MAP4K4: variants seen among roughly 807,000 people sequenced by gnomAD.
MAP4K4 encodes HPK/GCK-like kinase HGK.
MAP4K4 carries 38 observed loss-of-function variants against 189.6 expected under a neutral mutation model. The ratio of observed to expected loss-of-function variants is 0.20; its 90% confidence interval spans 0.15 to 0.26. The LOEUF (loss-of-function observed/expected upper bound fraction) is 0.26, where lower values mean the gene tolerates loss of function less well. Among genes scored for constraint, MAP4K4 ranks in the 10% least tolerant of loss-of-function variants. MAP4K4 has a pLI of 1.00. For missense variants in MAP4K4, 1,054 were observed against 1,726.9 expected (o/e 0.61, Z 6.91); for synonymous variants, 610 against 624.3 (o/e 0.98, Z 0.34).
chr2:101,797,997 G>A (rs780022563), intron 3 of MAP4K4, among the ~76,000 whole-genome samples: 4 of 144,062 alleles, frequency 2.8e-5, no homozygotes, highest in African/African-American at 5.1e-5. Context: ...CTAGCTCATC[G>A]TACCTCAAAT....
chr2:101,740,656 CAGAA>C (rs1398197833), intron 2 of MAP4K4, among the ~76,000 whole-genome samples: 1 of 152,030 alleles, frequency 6.6e-6, no homozygotes, highest in Non-Finnish European at 1.5e-5. Context: ...GCTGAGAAGA[CAGAA>C]AGCAATGTTG....
chr2:101,844,044 C>A, intron 11 of MAP4K4, 57 bp from the exon 12 acceptor site: 2 of 1,207,412 alleles, frequency 1.7e-6, no homozygotes, highest in South Asian at 1.3e-5. Context: ...GCTATTGACT[C>A]ACTTATAGGA....
chr2:101,754,624 G>A (rs1006719811), intron 2 of MAP4K4, among the ~76,000 whole-genome samples: 3 of 152,156 alleles, frequency 2.0e-5, no homozygotes, highest in Non-Finnish European at 4.4e-5. Context: ...AAAGTGCTGG[G>A]ATTACAGGCA....
chr2:101,889,079 G>T (rs2098528953), intron 32 of MAP4K4, 144 bp downstream of exon 32: 1 of 755,726 alleles, frequency 1.3e-6, no homozygotes, highest in South Asian at 2.1e-5. Context: ...AGTCATGTTT[G>T]TGAGGATTGG....
At chr2:101,747,662 C>T (rs1356481945) in intron 2 of MAP4K4, among the ~76,000 whole-genome samples, 1 of 152,202 alleles carries the variant, frequency 6.6e-6, no homozygotes, top group Non-Finnish European at 1.5e-5. Flanking sequence ...CCTTATTTAT[C>T]TCTTTTTCCT....
At chr2:101,810,956 G>A (rs2095383958) in intron 3 of MAP4K4, among the ~76,000 whole-genome samples, 1 of 152,204 alleles carries the variant, frequency 6.6e-6, no homozygotes, top group Non-Finnish European at 1.5e-5. Context: ...TATGCACACT[G>A]CTGATAGATT....
intron 28 of MAP4K4, among the ~76,000 whole-genome samples, chr2:101,884,388 G>C (rs1256291845): frequency 6.6e-6 from 1 of 152,182 alleles, no homozygotes; most frequent in Non-Finnish European, 1.5e-5. Context: ...TTGTCAGACT[G>C]TTATAAACCT....
intron 31 of MAP4K4, 35 bp from the exon 32 acceptor site, chr2:101,888,761 T>A (rs766816984): frequency 4.4e-5 from 68 of 1,553,778 alleles, no homozygotes; most frequent in Middle Eastern, 3.4e-4. Context: ...TGTTTCCTCA[T>A]CTTTAACGGT....
At chr2:101,889,047 A>G (rs770791785) in intron 32 of MAP4K4, 112 bp downstream of exon 32, 20 of 1,044,914 alleles carry the variant, frequency 1.9e-5, no homozygotes, top group Non-Finnish European at 2.4e-5. Flanking sequence ...ATAATCAAGG[A>G]ACTTTTTAAA....
chr2:101,730,193 A>C (rs980682321), intron 2 of MAP4K4, among the ~76,000 whole-genome samples: 25 of 152,158 alleles, frequency 1.6e-4, no homozygotes, highest in Non-Finnish European at 2.1e-4. Flanking sequence ...CCTTCTTTGA[A>C]ATGGCTATAT....
intron 2 of MAP4K4, among the ~76,000 whole-genome samples, chr2:101,747,789 C>T (rs2066418118): frequency 1.3e-5 from 2 of 152,114 alleles, no homozygotes; most frequent in Admixed American, 6.5e-5. Flanking sequence ...CATTTTAATA[C>T]TATGTCTAGT....
exon 33 of MAP4K4, chr2:101,893,796 T>C (rs982382607): frequency 2.6e-5 from 4 of 153,490 alleles, no homozygotes; most frequent in Admixed American, 2.6e-4. Flanking sequence ...GGTAAAGGGG[T>C]CTGAGCTCAC....
intron 3 of MAP4K4, among the ~76,000 whole-genome samples, chr2:101,792,901 T>G (rs1407998871): frequency 6.6e-6 from 1 of 152,214 alleles, no homozygotes; most frequent in African/African-American, 2.4e-5. Flanking sequence ...CCCAAAGTGC[T>G]GGGATTACAG....
At chr2:101,859,908 G>T in intron 15 of MAP4K4, 44 bp downstream of exon 15, 1 of 1,529,976 alleles carries the variant, frequency 6.5e-7, no homozygotes. Context: ...CTGGAAAGTC[G>T]TATAACGACT....
intron 3 of MAP4K4, among the ~76,000 whole-genome samples, chr2:101,819,089 C>T (rs2095883203): frequency 6.6e-6 from 1 of 152,168 alleles, no homozygotes; most frequent in Non-Finnish European, 1.5e-5. Context: ...GTTTTGCCAA[C>T]TCAACTTTCT....
intron 2 of MAP4K4, among the ~76,000 whole-genome samples, chr2:101,733,524 C>T (rs2149629211): frequency 6.6e-6 from 1 of 152,288 alleles, no homozygotes; most frequent in East Asian, 1.9e-4. Flanking sequence ...GTAGGAGCAG[C>T]CACAGGCACT....
At chr2:101,771,905 G>T (rs994738863) in intron 2 of MAP4K4, among the ~76,000 whole-genome samples, 1 of 152,180 alleles carries the variant, frequency 6.6e-6, no homozygotes, top group African/African-American at 2.4e-5. Context: ...AAACACAATA[G>T]CTTGATGACT....
At chr2:101,786,621 A>G (rs2091345416) in intron 2 of MAP4K4, among the ~76,000 whole-genome samples, 1 of 152,208 alleles carries the variant, frequency 6.6e-6, no homozygotes, top group South Asian at 2.1e-4. Context: ...GTTTCTTTGA[A>G]AACAAAATAT....
At chr2:101,782,714 C>G (rs901841477) in intron 2 of MAP4K4, among the ~76,000 whole-genome samples, 1 of 152,088 alleles carries the variant, frequency 6.6e-6, no homozygotes, top group Non-Finnish European at 1.5e-5. Context: ...TAGTACCAAC[C>G]AGGAGATGTT....
Sources: allele counts gnomAD v4.1 joint callset (sites outside exome capture counted in the v4.1 genomes callset), GRCh38; gene constraint gnomAD v4.1.1; transcripts MANE v1.5; gene names NCBI Gene and HGNC (gene_info 2026-07-23, HGNC 2026-07-21).